The following UTP20 variants were observed in gnomAD, a reference collection of about 807,000 sequenced individuals.
The protein encoded by UTP20 is UTP20 small subunit processome component, also known as small subunit processome component 20 homolog.
UTP20 carries 164 observed loss-of-function variants against 329.5 expected under a neutral mutation model. The ratio of observed to expected loss-of-function variants is 0.50; its 90% CI spans 0.44 to 0.57. The LOEUF (loss-of-function observed/expected upper bound fraction) is 0.57, where lower values mean the gene tolerates loss of function less well. Ranked by LOEUF, UTP20 falls within the 20% of genes least tolerant of loss-of-function variation. The pLI is 0.00. For synonymous variants in UTP20, 1,151 were observed against 1,159.3 expected (o/e 0.99, Z 0.14); for missense variants, 3,055 against 3,284.2 (o/e 0.93, Z 1.71).
intron 49 of UTP20, among the ~76,000 whole-genome samples, chr12:101,370,204 G>A (rs894495787): frequency 1.3e-5 from 2 of 152,130 alleles, no homozygotes; most frequent in South Asian, 4.1e-4. Context: ...GTGACAGAGC[G>A]AGACCCTGAC....
intron 25 of UTP20, among the ~76,000 whole-genome samples, chr12:101,325,397 ACTAAGACATTAT>A (rs1868520782): frequency 6.6e-6 from 1 of 152,320 alleles, no homozygotes; most frequent in African/African-American, 2.4e-5. Flanking sequence ...TGCTACTACT[ACTAAGACATTAT>A]CTTTTTCACT....
Position 101,379,398 on chromosome 12 carries a change from C to T in UTP20, c.7424C>T (p.Pro2475Leu). The T allele has an allele frequency of 6.2e-7, 1 of 1,612,356 alleles. No homozygotes were observed. Among genetic ancestry groups the T allele is most frequent in the African/African-American group, 1.3e-5 (1 of 74,956 alleles). Residue 2475 changes from proline to leucine, a missense_variant, in exon 57 of 62, where the codon CCA (proline) becomes CTA (leucine). This residue lies in a region of UTP20 where 273 missense variants were observed against 363.1 expected (regional missense o/e 0.75). Transcript: ENST00000261637. ...CATGTGCATTCTCACCTGAGACATC[C>T]ACACAACTGGGTGTGGCTCACAGCA... is the stretch of plus-strand genomic sequence containing the variant. ...WSHVHSHLRH[P>L]HNWVWLTAAQ...
Position 101,366,670 on chromosome 12 carries a change from A to G in UTP20, c.6238A>G (p.Met2080Val), listed in dbSNP as rs1593451011. 3.1e-6 allele frequency: 5 copies of G among 1,614,154 alleles called. No individual in the cohort carries two copies. Among genetic ancestry groups the G allele is most frequent in the Non-Finnish European group, 4.2e-6 (5 of 1,180,016 alleles). The stretch of plus-strand genomic sequence containing the variant: ...AGCTGTTGTGAGCAGGAAAACCAAC[A>G]TGCACATATTTATTGAGTCCGGGCT... ...QKAVVSRKTN[M>V]HIFIESGLRL... is the part of the protein sequence containing the mutation. Residue 2080 changes from methionine to valine, a missense_variant, in exon 47 of 62, where the codon ATG becomes GTG. This residue lies in a region of UTP20 where 2,445 missense variants were observed against 2,575.5 expected (regional missense o/e 0.95). Transcript: ENST00000261637.
chr12:101,288,505 A>G (rs1283450053), intron 5 of UTP20, among the ~76,000 whole-genome samples: 2 of 152,244 alleles, frequency 1.3e-5, no homozygotes, highest in African/African-American at 2.4e-5. Context: ...AAGTGCTTAT[A>G]CAGATGTAAG....
At chr12:101,294,444 T>C (rs1003258506) in intron 11 of UTP20, among the ~76,000 whole-genome samples, 2 of 152,178 alleles carry the variant, frequency 1.3e-5, no homozygotes, top group African/African-American at 2.4e-5. Context: ...AATAGAATTA[T>C]ATTAGAAATT....
In UTP20 at chr12:101,344,934, C is replaced by CTTTTTTTTTTTTTT. The variant is rs11417670; in HGVS notation, c.4605+200_4605+213dup. Among the ~76,000 whole-genome samples, 6 of 61,564 alleles carry CTTTTTTTTTTTTTT rather than the reference C, an allele frequency of 9.7e-5. 1 individual carries two copies. The highest frequency in any genetic ancestry group is 2.2e-4 in the Admixed American group (1 of 4,544). 40.4% of individuals were successfully genotyped at this position (61,564 alleles called of 152,430 possible). ...CTAGAAAGGAGAGCACTTTTTTTTG[C>CTTTTTTTTTTTTTT]TTTTTTTTTTTTTTTTTTTTTTTTT... is the stretch of plus-strand genomic sequence containing the variant. On this transcript the variant is annotated intron_variant, in intron 36 of 61. Coordinates refer to ENST00000261637, the MANE Select transcript of UTP20 (RefSeq NM_014503.3).
rs776241811 is a variant in UTP20 at position 101,288,975 on chromosome 12, C to G, written c.531C>G (p.Leu177=). 1 of 1,613,830 alleles carries G rather than the reference C, an allele frequency of 6.2e-7. No homozygotes were observed. Among genetic ancestry groups the G allele is most frequent in the African/African-American group, 1.3e-5 (1 of 75,016 alleles). Residue 177 remains leucine, a synonymous_variant, in exon 6 of 62, where the codon CTC becomes CTG. Transcript: ENST00000261637. The stretch of plus-strand genomic sequence containing the variant: ...TCATGTATAGCATGTACAGCACACT[C>G]CTGGCTCATAAAAAACTACATATAA... ...MSSIYSMYST[L]LAHKKLHIRN...
chr12:101,329,582 A>C, intron 27 of UTP20, 133 bp downstream of exon 27: 2 of 811,994 alleles, frequency 2.5e-6, no homozygotes, highest in Non-Finnish European at 3.7e-6. Context: ...AAAGCCCAAA[A>C]TTGTAAATGA....
At chr12:101,317,431 T>G in intron 21 of UTP20, 47 bp from the exon 22 acceptor site, 4 of 1,586,594 alleles carry the variant, frequency 2.5e-6, no homozygotes, top group Non-Finnish European at 3.4e-6. Flanking sequence ...CCTTTCAGAT[T>G]GGTGTGCGTT....
Position 101,363,675 on chromosome 12 carries a change from T to G in UTP20, c.5890T>G (p.Ser1964Ala), listed in dbSNP as rs762533237. The G allele has an allele frequency of 6.2e-7, 1 of 1,613,374 alleles. No individual in the cohort carries two copies. The highest frequency in any genetic ancestry group is 8.5e-7 in the Non-Finnish European group (1 of 1,179,306). ...AGCACGAAGAAGCAAAAGTTACGACTCTTATGAAATCCTCGGCAAGTTTGT... is the reference window on the plus strand; with the variant it reads ...AGCACGAAGAAGCAAAAGTTACGACGCTTATGAAATCCTCGGCAAGTTTGT... ...MEARRSKSYD[S>A]YEILGKFVGK... The change falls in exon 45 of 62, where the codon TCT becomes GCT. Residue 1964 changes from serine to alanine, a missense_variant. Coordinates refer to ENST00000261637, the MANE Select transcript of UTP20 (RefSeq NM_014503.3).
At position 101,293,176 on chromosome 12, in the gene UTP20, G is replaced by A; in HGVS notation, c.1182G>A (p.Glu394=). The part of the protein sequence containing the change: ...LIKETIEKIF[E]SRFEKRLIFS... Reference sequence around the variant, plus strand: ...TTTTACCTTGGTCACAGATATTTGAGAGCAGATTTGAAAAACGTTTAATTT... The same window carrying A: ...TTTTACCTTGGTCACAGATATTTGAAAGCAGATTTGAAAAACGTTTAATTT... Residue 394 remains glutamate (E), a synonymous_variant, in exon 11 of 62, where the codon GAG becomes GAA. Transcript: ENST00000261637. 1 of 1,614,078 alleles carries A rather than the reference G, an allele frequency of 6.2e-7. No individual in the cohort carries two copies. The highest frequency in any genetic ancestry group is 8.5e-7 in the Non-Finnish European group (1 of 1,179,992).
At chr12:101,351,509 G>A (rs1324951526) in intron 38 of UTP20, among the ~76,000 whole-genome samples, 2 of 147,844 alleles carry the variant, frequency 1.4e-5, no homozygotes, top group Non-Finnish European at 3.0e-5. Context: ...TGAAAGAGGT[G>A]TCTCTGAGGC....
chr12:101,348,356 CT>C (rs953770204), intron 38 of UTP20, among the ~76,000 whole-genome samples: 9 of 151,646 alleles, frequency 5.9e-5, no homozygotes, highest in African/African-American at 1.7e-4. Flanking sequence ...TTCTCTTTAT[CT>C]TTTTTCTATT....
chr12:101,359,253 A>G (rs553084337), intron 43 of UTP20, among the ~76,000 whole-genome samples: 2 of 152,094 alleles, frequency 1.3e-5, no homozygotes, highest in Middle Eastern at 6.8e-3. Context: ...TTTAGTAGAG[A>G]TGGAGTTTCA....
chr12:101,382,843 C>A (rs1260699688), intron 58 of UTP20, among the ~76,000 whole-genome samples, 198 bp from the exon 59 acceptor site: 1 of 144,806 alleles, frequency 6.9e-6, no homozygotes, highest in Non-Finnish European at 1.5e-5. Context: ...CAGAGTGAGG[C>A]TCTGTCTTTA....
chr12:101,289,525 A>G (rs747406169), intron 6 of UTP20, among the ~76,000 whole-genome samples: 1 of 152,158 alleles, frequency 6.6e-6, no homozygotes, highest in Non-Finnish European at 1.5e-5. Flanking sequence ...ATCTGTTACT[A>G]TTTTGAATTT....
chr12:101,317,688 C>A, intron 22 of UTP20, 25 bp downstream of exon 22: 1 of 1,579,590 alleles, frequency 6.3e-7, no homozygotes, highest in Non-Finnish European at 8.6e-7. Context: ...GCTGAAAGAT[C>A]ACAGATCCAC....
At chr12:101,344,561 A>G in intron 35 of UTP20, 34 bp from the exon 36 acceptor site, 1 of 875,132 alleles carries the variant, frequency 1.1e-6, no homozygotes, top group East Asian at 2.4e-5. Flanking sequence ...GTTATTACAG[A>G]GAATAATTTC....
At chr12:101,371,747 T>C (rs1050851495) in intron 51 of UTP20, among the ~76,000 whole-genome samples, 1 of 152,072 alleles carries the variant, frequency 6.6e-6, no homozygotes, top group African/African-American at 2.4e-5. Flanking sequence ...TTGGCCAGGA[T>C]GGTCTTGATC....
Sources: gnomAD v4.1 joint callset for allele counts (sites outside exome capture counted in the v4.1 genomes callset) on GRCh38, gnomAD v4.1.1 for gene constraint, gnomAD v4.1.1 regional missense constraint, MANE v1.5 for transcripts, NCBI Gene and HGNC (gene_info 2026-07-23, HGNC 2026-07-21) for gene names.